The following MUC4 variants were observed in gnomAD, a reference collection of about 807,000 sequenced individuals.
MUC4 encodes the protein mucin-4.
In MUC4, 202 loss-of-function variants were observed where a neutral mutation model predicts 257.9. The observed-to-expected ratio is 0.78, with a 90% CI of 0.70 to 0.88. The LOEUF (loss-of-function observed/expected upper bound fraction) is 0.88. Among genes scored for constraint, MUC4 ranks in the 40% least tolerant of loss-of-function variants. MUC4 has a pLI of 0.00. For synonymous variants in MUC4, 2,351 were observed against 2,757.1 expected (o/e 0.85, Z 4.62); for missense variants, 5,976 against 6,513.7 (o/e 0.92, Z 2.84).
rs372114176 is a variant in MUC4, at chr3:195,759,116, A to G, written c.14986+8T>C. ...CCCCACTCTCCCCAGCCAGCCAAAT[A>G]GTCCTACCAAAGAGCTCCAAGTCGG... On this transcript the variant is annotated splice_region_variant and intron_variant, in intron 17 of 24. Transcript: ENST00000463781. 8 of 1,613,566 alleles carry G rather than the reference A, an allele frequency of 5.0e-6. No individual in the cohort carries two copies. In the South Asian group the frequency reaches 7.7e-5, roughly 16 times the overall value.
chr3:195,762,101 G>T lies in MUC4; in HGVS notation c.14498C>A (p.Thr4833Lys), dbSNP rs756387559. The change falls in exon 14 of 25, where the codon ACG becomes AAG. Residue 4833 changes from threonine (T) to lysine (K), a missense_variant. Transcript: ENST00000463781. ...GCCGCCCTCACCCAGGAGCCCCTCC[G>T]TGCGGTTCTGGTACTCGGGCGGGAG... ...ASLPPEYQNR[T>K]EGLLGVWNNN... 2 of 1,601,916 alleles carry T rather than the reference G, an allele frequency of 1.2e-6. No homozygotes were observed. Among genetic ancestry groups the T allele is most frequent in the South Asian group, 1.1e-5 (1 of 89,298 alleles).
Position 195,810,245 on chromosome 3 carries a change from C to A in MUC4, c.82+1491G>T, listed in dbSNP as rs529349427. 4.9e-4 allele frequency: 74 copies of A among 152,414 alleles called. No individual in the cohort carries two copies. The highest frequency in any genetic ancestry group is 9.3e-4 in the Non-Finnish European group (63 of 68,102). The allele number at this position is 152,414 out of a possible 1,614,324, so 9.4% of individuals were successfully genotyped here. A position where few individuals can be genotyped will look rare whatever the true frequency, so the allele number is the denominator to read the frequency against. ...CATGGCTTCTCTTGCAGCCTTTAAA[C>A]GGCACTCGCCTTCTGACTCACTCCC... On this transcript the variant is annotated intron_variant, in intron 1 of 24. Transcript: ENST00000463781. This position sits in a 1 kb window ranked among gnomAD's most constrained non-coding sequence, Gnocchi z 4.2.
chr3:195,795,841 G>T (rs937690555), intron 1 of MUC4, among the ~76,000 whole-genome samples: 6 of 40,888 alleles, frequency 1.5e-4, no homozygotes, highest in African/African-American at 7.9e-4. Context: ...GAAAGAAAGT[G>T]GGGGAGGGGG....
At chr3:195,761,352 C>T in intron 15 of MUC4, 132 bp downstream of exon 15, 1 of 852,526 alleles carries the variant, frequency 1.2e-6, no homozygotes, top group South Asian at 1.6e-5. Flanking sequence ...GTGGGGACAG[C>T]CCTGGGGGGG....
rs542069740 is a variant in MUC4, at chr3:195,788,817, A to C, written c.2763T>G (p.Thr921=). ...CGGTTGCCTGGGACGCCAGGCTGAT[A>C]GTGTCAGACCCTCTGCTGGTTCTTG... ...QRTRTSRGSD[T]ISLASQATDT... is the part of the protein sequence containing the mutation. The change falls in exon 2 of 25, where the codon ACT becomes ACG. Residue 921 remains threonine (T), a synonymous_variant. Transcript: ENST00000463781. 5.6e-6 allele frequency: 9 copies of C among 1,613,812 alleles called. No homozygotes were observed. The Middle Eastern group carries it at 4.9e-4, about 89-fold the overall frequency.
chr3:195,804,252 C>T (rs1052331136), intron 1 of MUC4, among the ~76,000 whole-genome samples: 6 of 152,200 alleles, frequency 3.9e-5, no homozygotes, highest in African/African-American at 9.7e-5. Context: ...CCTTGAACCA[C>T]GTCAGGTGGG....
chr3:195,801,474 T>C (rs1176297238), intron 1 of MUC4, among the ~76,000 whole-genome samples: 4 of 151,966 alleles, frequency 2.6e-5, no homozygotes, highest in Non-Finnish European at 4.4e-5. Flanking sequence ...GATGGCTCAC[T>C]GCTCTGCCTC....
rs751444465 is a variant in MUC4 at position 195,785,692 on chromosome 3, G to A, written c.5888C>T (p.Thr1963Ile). The A allele has an allele frequency of 3.6e-6, 5 of 1,389,634 alleles. No individual in the cohort carries two copies. In the South Asian group the frequency reaches 3.9e-5, roughly 11 times the overall value. The allele number at this position is 1,389,634 out of a possible 1,614,324, so 86.1% of individuals were successfully genotyped here. A position where few individuals can be genotyped will look rare whatever the true frequency, so the allele number is the denominator to read the frequency against. ...GACAGGAAGAGAGGTGGCGTGACCTGTGGGTACTGAGGAAGCGTCGGTGAC... is the reference window on the plus strand; with the variant it reads ...GACAGGAAGAGAGGTGGCGTGACCTATGGGTACTGAGGAAGCGTCGGTGAC... Reference protein sequence around the residue: ...LPVTDASSVPTGHATSLPVTD... With the variant: ...LPVTDASSVPIGHATSLPVTD... Residue 1963 changes from threonine (T) to isoleucine (I), a missense_variant, in exon 2 of 25, where the codon ACA (threonine) becomes ATA (isoleucine). By Grantham distance (89) the Thr-to-Ile change is moderately conservative. Coordinates refer to ENST00000463781, the MANE Select transcript of MUC4 (RefSeq NM_018406.7).
Position 195,746,794 on chromosome 3 carries a change from T to C in MUC4, c.*382A>G, listed in dbSNP as rs1448594584. ...GGAGACACAAAAAGTCAGAGAGACT[T>C]TATTTAAATAGAGTTAATTTGAAGT... On this transcript the variant is annotated 3_prime_UTR_variant, in exon 25 of 25. Transcript: ENST00000463781. The C allele has an allele frequency of 1.5e-5, 4 of 272,488 alleles. No homozygotes were observed. Among genetic ancestry groups the C allele is most frequent in the Non-Finnish European group, 2.8e-5 (4 of 143,630 alleles). 16.9% of individuals were successfully genotyped at this position (272,488 alleles called of 1,614,324 possible). A position where few individuals can be genotyped will look rare whatever the true frequency, so the allele number is the denominator to read the frequency against.
intron 1 of MUC4, among the ~76,000 whole-genome samples, chr3:195,793,430 A>C (rs1242162039): frequency 3.9e-5 from 6 of 151,952 alleles, no homozygotes; most frequent in Non-Finnish European, 7.4e-5. Flanking sequence ...TGAACCCAGG[A>C]GGTGGAGGTT....
At chr3:195,747,719 C>T (rs1312800160) in intron 24 of MUC4, among the ~76,000 whole-genome samples, 3 of 152,280 alleles carry the variant, frequency 2.0e-5, no homozygotes, top group African/African-American at 7.2e-5. Flanking sequence ...ACAAAATTAG[C>T]CAGGCGTGGT....
chr3:195,778,681 A>T, intron 2 of MUC4, 109 bp downstream of exon 2: 1 of 1,348,916 alleles, frequency 7.4e-7, no homozygotes, highest in South Asian at 1.4e-5. Flanking sequence ...GGGACCTGAC[A>T]CGGCCCCACC....
At chr3:195,802,494 G>A (rs977856664) in intron 1 of MUC4, among the ~76,000 whole-genome samples, 1 of 151,290 alleles carries the variant, frequency 6.6e-6, no homozygotes, top group South Asian at 2.1e-4. Context: ...TTTGGAAAAT[G>A]GCCTGCCCTG....
At chr3:195,768,945 G>A in intron 7 of MUC4, 77 bp downstream of exon 7, 1 of 1,534,280 alleles carries the variant, frequency 6.5e-7, no homozygotes, top group Non-Finnish European at 8.8e-7. Context: ...CCCAGGATGG[G>A]AGTGTGTGTG....
In MUC4 at chr3:195,800,890, G is replaced by GAAAA. The variant is rs59625247; in HGVS notation, c.83-9397_83-9394dup. Among the ~76,000 whole-genome samples the GAAAA allele has an allele frequency of 5.0e-3, 458 of 91,288 alleles. 6 individuals are homozygous for GAAAA. Among genetic ancestry groups the GAAAA allele is most frequent in the African/African-American group, 0.015 (361 of 24,508 alleles). The allele number at this position is 91,288 out of a possible 152,430, so 59.9% of individuals were successfully genotyped here. A position where few individuals can be genotyped will look rare whatever the true frequency, so the allele number is the denominator to read the frequency against. On this transcript the variant is annotated intron_variant, in intron 1 of 24. Coordinates refer to ENST00000463781, the MANE Select transcript of MUC4 (RefSeq NM_018406.7). ...GGCAATAGCTCAAGACCCCTTCTCT[G>GAAAA]AAAAAAAAAAAAAAAAAAAAAGTGG...
chr3:195,749,003 G>A lies in MUC4; in HGVS notation c.15933C>T (p.Val5311=). 1.2e-6 allele frequency: 2 copies of A among 1,609,950 alleles called. No homozygotes were observed. Among genetic ancestry groups the A allele is most frequent in the South Asian group, 2.2e-5 (2 of 90,088 alleles). Residue 5311 remains valine, a synonymous_variant, in exon 24 of 25, where the codon GTC becomes GTT. Coordinates refer to ENST00000463781, the MANE Select transcript of MUC4 (RefSeq NM_018406.7). The stretch of plus-strand genomic sequence containing the variant: ...AGGTGAAGCCGCTCTGGGGGCTGTA[G>A]ACCAGGTCGTAGCCCTTGTAGCCAT... ...RCDGYKGYDL[V]YSPQSGFTCV...
At chr3:195,758,958 A>G (rs1249806612) in intron 17 of MUC4, among the ~76,000 whole-genome samples, 166 bp downstream of exon 17, 2 of 152,080 alleles carry the variant, frequency 1.3e-5, no homozygotes, top group Non-Finnish European at 2.9e-5. Flanking sequence ...GGGGGCACCT[A>G]TTTGAGTTAT....
Position 195,781,317 on chromosome 3 carries a change from G to T in MUC4, c.10263C>A (p.His3421Gln). ...VTSPSSASTG[H>Q]ATPLPVTSTS... ...TGCTGGTGACAGGAAGAGGGGTGGC[G>T]TGACCTGTGGATGCTGAGGAAGGGC... Residue 3421 changes from histidine to glutamine, a missense_variant, in exon 2 of 25, where the codon CAC becomes CAA. His to Gln is a conservative substitution (Grantham distance 24). Around this residue, in one of 44 missense-constraint regions of MUC4, gnomAD observed 297 missense variants for 240.9 expected, o/e 1.23. Transcript: ENST00000463781. 1.5e-6 allele frequency: 2 copies of T among 1,368,226 alleles called. No individual in the cohort carries two copies. The highest frequency in any genetic ancestry group is 2.0e-6 in the Non-Finnish European group (2 of 1,016,048). The allele number at this position is 1,368,226 out of a possible 1,614,324, so 84.8% of individuals were successfully genotyped here. A position where few individuals can be genotyped will look rare whatever the true frequency, so the allele number is the denominator to read the frequency against.
rs376798644 is a variant in MUC4, at chr3:195,790,807, A to T, written c.773T>A (p.Met258Lys). Reference protein sequence around the residue: ...SSLCSVTNTSMMTSEKITVTT... With the variant: ...SSLCSVTNTSKMTSEKITVTT... ...CACTGTTATCTTCTCTGATGTCATC[A>T]TGGATGTGTTTGTGACACTACAGAG... Residue 258 changes from methionine to lysine, a missense_variant, in exon 2 of 25, where the codon ATG (methionine) becomes AAG (lysine). Physicochemically the swap from Met to Lys is moderately conservative, Grantham distance 95. Around this residue, in one of 44 missense-constraint regions of MUC4, gnomAD observed 1,583 missense variants for 1,257.4 expected, o/e 1.26. Coordinates refer to ENST00000463781, the MANE Select transcript of MUC4 (RefSeq NM_018406.7). 218 of 1,613,598 alleles carry T rather than the reference A, an allele frequency of 1.4e-4. No individual in the cohort carries two copies. The highest frequency in any genetic ancestry group is 5.0e-4 in the Admixed American group (30 of 59,978).
Sources: allele counts gnomAD v4.1 joint callset (sites outside exome capture counted in the v4.1 genomes callset), GRCh38; gene constraint gnomAD v4.1.1; regional missense constraint gnomAD v4.1.1; non-coding constraint Gnocchi (gnomAD v3.1); transcripts MANE v1.5; gene names NCBI Gene and HGNC (gene_info 2026-07-23, HGNC 2026-07-21).